The following BPIFB6 variants were observed in gnomAD, a reference collection of about 807,000 sequenced individuals.
BPIFB6 encodes the protein BPI fold-containing family B member 6.
A neutral mutation model predicts 54.7 loss-of-function variants in BPIFB6; 47 were observed. That is an observed-to-expected ratio of 0.86 (90% CI 0.68 to 1.10). The LOEUF is 1.10. BPIFB6 is among the 50% of genes least tolerant of loss of function. The probability of loss-of-function intolerance (pLI) is 0.00; values close to 1 mark genes in which losing one functional copy is unlikely to be tolerated. For missense variants in BPIFB6, 603 were observed against 564.1 expected (o/e 1.07, Z -0.70); for synonymous variants, 255 against 225.9 (o/e 1.13, Z -1.16).
intron 1 of BPIFB6, among the ~76,000 whole-genome samples, chr20:33,032,582 C>T (rs556944193): frequency 1.5e-4 from 23 of 152,316 alleles, no homozygotes; most frequent in Middle Eastern, 3.4e-3. Context: ...TGTCCTCACC[C>T]TCCAGCCATG....
At chr20:33,042,118 C>A in intron 12 of BPIFB6, 103 bp downstream of exon 12, 1 of 1,202,942 alleles carries the variant, frequency 8.3e-7, no homozygotes, top group Non-Finnish European at 1.2e-6. Flanking sequence ...GGCAGATGAA[C>A]AGAGCAAGGC....
Position 33,036,363 on chromosome 20 carries a change from A to T in BPIFB6, c.578-82A>T. 4.3e-6 allele frequency: 5 copies of T among 1,171,982 alleles called. No homozygotes were observed. In the South Asian group the frequency reaches 7.3e-5, roughly 17 times the overall value. The allele number at this position is 1,171,982 out of a possible 1,614,324, so 72.6% of individuals were successfully genotyped here. A position where few individuals can be genotyped will look rare whatever the true frequency, so the allele number is the denominator to read the frequency against. ...TTGAGTCACGTGGAGGGCCAGGTGCAGGTAGCAGCTGGCTGGTGCCAGCTT... is the reference window on the plus strand; with the variant it reads ...TTGAGTCACGTGGAGGGCCAGGTGCTGGTAGCAGCTGGCTGGTGCCAGCTT... On this transcript the variant is annotated intron_variant, in intron 6 of 14. Transcript: ENST00000349552.
chr20:33,036,391 C>A, intron 6 of BPIFB6, 54 bp from the exon 7 acceptor site: 1 of 1,500,974 alleles, frequency 6.7e-7, no homozygotes, highest in Non-Finnish European at 9.1e-7. Flanking sequence ...GCCAGCTTCT[C>A]TGGGCTGTTC....
chr20:33,040,764 A>G (rs950565094), intron 11 of BPIFB6, among the ~76,000 whole-genome samples: 4 of 152,216 alleles, frequency 2.6e-5, no homozygotes, highest in African/African-American at 9.7e-5. Context: ...CATTATATTC[A>G]TCATCCTATT....
In BPIFB6 at chr20:33,036,440, C is replaced by T. The variant is rs769176813; in HGVS notation, c.578-5C>T. ...CTCTTTGAGTGGAACCTCCTTTTCACACAGACCCCATGCCTGTGGGCCAGA... is the reference window on the plus strand; with the variant it reads ...CTCTTTGAGTGGAACCTCCTTTTCATACAGACCCCATGCCTGTGGGCCAGA... On this transcript the variant is annotated splice_polypyrimidine_tract_variant and splice_region_variant and intron_variant, in intron 6 of 14. Coordinates refer to ENST00000349552, the MANE Select transcript of BPIFB6 (RefSeq NM_174897.2). 9 of 1,609,490 alleles carry T rather than the reference C, an allele frequency of 5.6e-6. No homozygotes were observed. The Admixed American group carries it at 1.5e-4, about 27-fold the overall frequency.
chr20:33,031,664 G>C lies in BPIFB6; in HGVS notation c.17G>C (p.Cys6Ser). 1 of 1,613,932 alleles carries C rather than the reference G, an allele frequency of 6.2e-7. No individual in the cohort carries two copies. Among genetic ancestry groups the C allele is most frequent in the South Asian group, 1.1e-5 (1 of 91,052 alleles). ...GGTGGTGCCATGCTGCGGATCCTGT[G>C]CCTGGCACTCTGCAGCCTGCTGACT... The part of the protein sequence containing the change: MLRIL[C>S]LALCSLLTGT... Residue 6 changes from cysteine to serine, a missense_variant, in exon 1 of 15, where the codon TGC becomes TCC. Transcript: ENST00000349552.
rs150359459 is a variant in BPIFB6, at chr20:33,044,042, G to A, written c.1357G>A (p.Gly453Ser). ...ENALMLDLKL[G>S] The stretch of plus-strand genomic sequence containing the variant: ...TGCCCTGATGCTGGACTTGAAGCTG[G>A]GCTGACCATGGCAGGACTCCCCTGC... The change falls in exon 15 of 15, where the codon GGC becomes AGC. Residue 453 changes from glycine to serine, a missense_variant. Coordinates refer to ENST00000349552, the MANE Select transcript of BPIFB6 (RefSeq NM_174897.2). The A allele has an allele frequency of 1.4e-5, 22 of 1,614,138 alleles. No individual in the cohort carries two copies. In the African/African-American group the frequency reaches 2.5e-4, roughly 19 times the overall value.
rs766380186 is a variant in BPIFB6, at chr20:33,035,645, G to C, written c.550G>C (p.Val184Leu). 6.2e-7 allele frequency: 1 copy of C among 1,614,158 alleles called. No individual in the cohort carries two copies. Among genetic ancestry groups the C allele is most frequent in the Non-Finnish European group, 8.5e-7 (1 of 1,180,020 alleles). The change falls in exon 6 of 15, where the codon GTG becomes CTG. Residue 184 changes from valine (V) to leucine (L), a missense_variant. Coordinates refer to ENST00000349552, the MANE Select transcript of BPIFB6 (RefSeq NM_174897.2). ...CPAIDAVLVY[V>L]NRKWTNLSDP... ...CGCCATCGATGCAGTCCTGGTGTAT[G>C]TGAACAGGAAGTGGACCAACCTCAG...
chr20:33,035,464 A>C, intron 5 of BPIFB6, 148 bp from the exon 6 acceptor site: 1 of 813,758 alleles, frequency 1.2e-6, no homozygotes, highest in Non-Finnish European at 2.1e-6. Context: ...GAGCTCTGCC[A>C]TTTACTTTCT....
At chr20:33,037,080 G>A (rs1054033239) in intron 7 of BPIFB6, among the ~76,000 whole-genome samples, 5 of 152,150 alleles carry the variant, frequency 3.3e-5, no homozygotes, top group African/African-American at 1.2e-4. Context: ...GCAGTGAGTT[G>A]GTGTCAGAGT....
In BPIFB6 at chr20:33,034,178, C is replaced by T; in HGVS notation, c.198-8C>T. The stretch of plus-strand genomic sequence containing the variant: ...ATCTTATTGGTGTGGCTGCCTGTCC[C>T]TTCCCAGTTTGAAGGTGAAGGATGT... On this transcript the variant is annotated splice_polypyrimidine_tract_variant and splice_region_variant and intron_variant, in intron 2 of 14. Transcript: ENST00000349552. 1 of 1,610,036 alleles carries T rather than the reference C, an allele frequency of 6.2e-7. No individual in the cohort carries two copies. Among genetic ancestry groups the T allele is most frequent in the Non-Finnish European group, 8.5e-7 (1 of 1,176,270 alleles).
intron 9 of BPIFB6, 83 bp from the exon 10 acceptor site, chr20:33,039,264 C>T: frequency 2.9e-6 from 4 of 1,375,602 alleles, no homozygotes; most frequent in Non-Finnish European, 4.0e-6. Context: ...GTAGAAATCA[C>T]CTATGTCTTG....
chr20:33,033,200 C>G, intron 2 of BPIFB6, 117 bp downstream of exon 2: 1 of 795,520 alleles, frequency 1.3e-6, no homozygotes, highest in Non-Finnish European at 2.2e-6. Flanking sequence ...GGGGTCTCTT[C>G]CCTGCCTTGT....
rs532006197 is a variant in BPIFB6 at position 33,041,288 on chromosome 20, C to T, written c.1143-682C>T. Among the ~76,000 whole-genome samples, 159 of 152,300 alleles carry T rather than the reference C, an allele frequency of 1.0e-3. 1 individual carries two copies. Among genetic ancestry groups the T allele is most frequent in the African/African-American group, 3.6e-3 (151 of 41,572 alleles). ...ACAGGCATGAGCCACCACACCCGGC[C>T]TAACTTTAGGGGTAGCTCTGCCTTC... On this transcript the variant is annotated intron_variant, in intron 11 of 14. Coordinates refer to ENST00000349552, the MANE Select transcript of BPIFB6 (RefSeq NM_174897.2).
chr20:33,035,247 G>A lies in BPIFB6; in HGVS notation c.516+103G>A, dbSNP rs538523357. 2,027 of 1,233,570 alleles carry A rather than the reference G, an allele frequency of 1.6e-3. 10 individuals are homozygous for A. Among genetic ancestry groups the A allele is most frequent in the Non-Finnish European group, 1.4e-3 (1,240 of 859,868 alleles). 76.4% of individuals were successfully genotyped at this position (1,233,570 alleles called of 1,614,324 possible). ...GGGTGCTGACCCTGATTGACTGATA[G>A]TGGCTGGGAAGGGTTCTGAGACTGT... On this transcript the variant is annotated intron_variant, in intron 5 of 14. Coordinates refer to ENST00000349552, the MANE Select transcript of BPIFB6 (RefSeq NM_174897.2).
rs772897816 is a variant in BPIFB6 at position 33,042,003 on chromosome 20, T to C, written c.1176T>C (p.Ile392=). 3 of 1,614,140 alleles carry C rather than the reference T, an allele frequency of 1.9e-6. No homozygotes were observed. The highest frequency in any genetic ancestry group is 2.5e-6 in the Non-Finnish European group (3 of 1,179,980). ...GCTTGTCCCGGAAGTCCTCATCGAT[T>C]GGCAACTTCAATGTAAGTGTCCCAA... The part of the protein sequence containing the change: ...LLSLSRKSSS[I]GNFNERELTG... Residue 392 remains isoleucine (I), a synonymous_variant, in exon 12 of 15, where the codon ATT becomes ATC. Coordinates refer to ENST00000349552, the MANE Select transcript of BPIFB6 (RefSeq NM_174897.2).
In BPIFB6 at chr20:33,036,544, C is replaced by T. The variant is rs372717938; in HGVS notation, c.669+8C>T. ...ATCCAACTGGACTTCAGTGTAAGCG[C>T]CTAGGGCCACCTGGGAGCTGGGGTC... is the stretch of plus-strand genomic sequence containing the variant. On this transcript the variant is annotated splice_region_variant and intron_variant, in intron 7 of 14. Coordinates refer to ENST00000349552, the MANE Select transcript of BPIFB6 (RefSeq NM_174897.2). 2.7e-5 allele frequency: 44 copies of T among 1,611,532 alleles called. No homozygotes were observed. Among genetic ancestry groups the T allele is most frequent in the Non-Finnish European group, 3.6e-5 (42 of 1,177,698 alleles).
intron 12 of BPIFB6, 150 bp from the exon 13 acceptor site, chr20:33,042,665 C>A (rs1979638207): frequency 1.5e-6 from 1 of 681,882 alleles, no homozygotes; most frequent in African/African-American, 1.8e-5. Flanking sequence ...GAGCCAAGGC[C>A]AGGCCCAGTT....
intron 1 of BPIFB6, among the ~76,000 whole-genome samples, chr20:33,032,666 C>G (rs1298725451): frequency 1.3e-5 from 2 of 152,212 alleles, no homozygotes; most frequent in Non-Finnish European, 2.9e-5. Context: ...GCCCTCTGTC[C>G]AGACTGATAT....
Sources: gnomAD v4.1 joint callset for allele counts (sites outside exome capture counted in the v4.1 genomes callset) on GRCh38, gnomAD v4.1.1 for gene constraint, MANE v1.5 for transcripts, NCBI Gene and HGNC (gene_info 2026-07-23, HGNC 2026-07-21) for gene names.